Variants in INTS2 observed in about 807,000 individuals in gnomAD.
INTS2 encodes KIAA1287.
In INTS2, 57 loss-of-function variants were observed where a neutral mutation model predicts 139.6. The observed-to-expected ratio is 0.41, with a 90% CI of 0.33 to 0.51. The LOEUF (loss-of-function observed/expected upper bound fraction) is 0.51. INTS2 is among the 20% of genes least tolerant of loss of function. The pLI, the probability that INTS2 is intolerant of heterozygous loss-of-function variation, is 0.28. For missense variants in INTS2, 1,196 were observed against 1,436.7 expected, an observed-to-expected ratio of 0.83 and a Z score of 2.71; for synonymous variants, 473 against 493.4, an observed-to-expected ratio of 0.96 and a Z score of 0.55.
In INTS2 at chr17:61,913,842, G is replaced by C. The variant is rs562268724; in HGVS notation, c.650-1772C>G. On this transcript the variant is annotated intron_variant, in intron 5 of 24. Coordinates refer to ENST00000251334, the MANE Select transcript of INTS2 (RefSeq NM_001351695.2). ...AAAATGGTAAATGTGTGGATAAATA[G>C]TATTTTCCTCTATATTTTTAGTCTT... 2.0e-5 allele frequency among the ~76,000 whole-genome samples: 3 copies of C among 152,174 alleles called. No individual in the cohort carries two copies. In the East Asian group the frequency reaches 5.8e-4, roughly 29 times the overall value.
At chr17:61,915,341 A>AAAATAAATAAATAAATAAAT (rs58856021) in intron 5 of INTS2, among the ~76,000 whole-genome samples, 13 of 141,400 alleles carry the variant, frequency 9.2e-5, no homozygotes, top group African/African-American at 3.2e-4. Flanking sequence ...CCGTCTCAAA[A>AAAATAAATAAATAAATAAAT]AAATAAATAA....
chr17:61,924,353 C>G (rs2079685305), intron 3 of INTS2, among the ~76,000 whole-genome samples: 1 of 151,990 alleles, frequency 6.6e-6, no homozygotes, highest in African/African-American at 2.4e-5. Context: ...GAGATAAATC[C>G]CTTTCTAAAT....
intron 5 of INTS2, among the ~76,000 whole-genome samples, chr17:61,918,924 T>TA (rs2079610030): frequency 1.0e-5 from 1 of 96,634 alleles, no homozygotes. Context: ...TTCCTTGGGG[T>TA]TTTTTTTTTT....
intron 13 of INTS2, among the ~76,000 whole-genome samples, chr17:61,892,558 G>A (rs546966274): frequency 1.3e-3 from 202 of 152,274 alleles, no homozygotes; most frequent in Non-Finnish European, 1.9e-3. Context: ...TCGGGAGGCC[G>A]AAGTAGGAGA....
rs1478975219 is a variant in INTS2 at position 61,909,817 on chromosome 17, GTGTGTA to G, written c.954+1697_954+1702del. ...TACATATATACGTGTGTGTGTACAT[GTGTGTA>G]TGTGTGTGTGTGTGTGTGTGTGTGT... On this transcript the variant is annotated intron_variant, in intron 7 of 24. Coordinates refer to ENST00000251334, the MANE Select transcript of INTS2 (RefSeq NM_001351695.2). This position sits in a 1 kb window ranked among gnomAD's most constrained non-coding sequence, Gnocchi z 4.9. 3.8e-3 allele frequency among the ~76,000 whole-genome samples: 259 copies of G among 68,034 alleles called. 1 individual carries two copies. The highest frequency in any genetic ancestry group is 0.012 in the African/African-American group (200 of 16,760). 44.6% of individuals were successfully genotyped at this position (68,034 alleles called of 152,430 possible). A position where few individuals can be genotyped will look rare whatever the true frequency, so the allele number is the denominator to read the frequency against.
chr17:61,925,940 C>T (rs367574420), intron 2 of INTS2, among the ~76,000 whole-genome samples: 77 of 152,078 alleles, frequency 5.1e-4, no homozygotes, highest in African/African-American at 1.8e-3. Flanking sequence ...GCAGGAGGAT[C>T]GCTTGAACCT....
intron 5 of INTS2, among the ~76,000 whole-genome samples, chr17:61,915,545 G>A (rs1477519862): frequency 6.1e-5 from 9 of 148,560 alleles, no homozygotes; most frequent in African/African-American, 1.5e-4. Flanking sequence ...AAGTCCGGGC[G>A]CGGTGGCTCA....
At chr17:61,906,157 A>G (rs571191827) in intron 8 of INTS2, among the ~76,000 whole-genome samples, 2 of 152,300 alleles carry the variant, frequency 1.3e-5, no homozygotes, top group Admixed American at 1.3e-4. Context: ...TAAAATCTGA[A>G]ATGCCCCCAA....
chr17:61,914,229 T>C (rs1281381696), intron 5 of INTS2, among the ~76,000 whole-genome samples: 6 of 152,132 alleles, frequency 3.9e-5, no homozygotes, highest in African/African-American at 1.2e-4. Flanking sequence ...ATGGCTGTAT[T>C]ATTCAGACAA....
intron 5 of INTS2, 64 bp downstream of exon 5, chr17:61,919,336 A>T: frequency 1.3e-6 from 1 of 764,928 alleles, no homozygotes; most frequent in Middle Eastern, 2.4e-4. Context: ...CTTAGGTCAA[A>T]AAGATAGGTC....
chr17:61,877,866 G>T, intron 18 of INTS2, 21 bp downstream of exon 18: 2 of 1,564,380 alleles, frequency 1.3e-6, no homozygotes, highest in Non-Finnish European at 1.8e-6. Context: ...TCTATTACAT[G>T]TAACAATACA....
rs2079103358 is a variant in INTS2, at chr17:61,873,338, A to G, written c.2583-878T>C. ...CAGGAGTTCAAGACCAGCCTGGACA[A>G]CATAGCAAGACCCCCAACTCAAAAA... On this transcript the variant is annotated intron_variant, in intron 19 of 24. Coordinates refer to ENST00000251334, the MANE Select transcript of INTS2 (RefSeq NM_001351695.2). The surrounding 1 kb of genome is among the most constrained non-coding windows in gnomAD (Gnocchi z 4.0). Among the ~76,000 whole-genome samples the G allele has an allele frequency of 6.6e-6, 1 of 152,170 alleles. No individual in the cohort carries two copies. Among genetic ancestry groups the G allele is most frequent in the South Asian group, 2.1e-4 (1 of 4,826 alleles).
rs2079501240 is a variant in INTS2 at position 61,909,527 on chromosome 17, AT to A, written c.955-1894del. 6.6e-6 allele frequency among the ~76,000 whole-genome samples: 1 copy of A among 152,106 alleles called. No homozygotes were observed. The highest frequency in any genetic ancestry group is 1.5e-5 in the Non-Finnish European group (1 of 68,012). On this transcript the variant is annotated intron_variant, in intron 7 of 24. Coordinates refer to ENST00000251334, the MANE Select transcript of INTS2 (RefSeq NM_001351695.2). The surrounding 1 kb of genome is among the most constrained non-coding windows in gnomAD (Gnocchi z 4.9). ...ACCCTGATAGTATACCCTGTACCCA[AT>A]ATAGGTAACTTCTCAACCCTCACCC...
At position 61,919,390 on chromosome 17, in the gene INTS2, T is replaced by C. The variant is rs778365576; in HGVS notation, c.649+10A>G. ...GTCTTTTCAATATACCATATTAGAA[T>C]CATATTTACCTTCATTAAAACTATC... On this transcript the variant is annotated intron_variant, in intron 5 of 24. Coordinates refer to ENST00000251334, the MANE Select transcript of INTS2 (RefSeq NM_001351695.2). The C allele has an allele frequency of 3.6e-6, 5 of 1,383,030 alleles. No individual in the cohort carries two copies. The highest frequency in any genetic ancestry group is 5.1e-6 in the Non-Finnish European group (5 of 985,800). The allele number at this position is 1,383,030 out of a possible 1,614,324, so 85.7% of individuals were successfully genotyped here.
Position 61,921,752 on chromosome 17 carries a change from C to G in INTS2, c.508G>C (p.Ala170Pro), listed in dbSNP as rs2079643618. 6.2e-7 allele frequency: 1 copy of G among 1,603,162 alleles called. No individual in the cohort carries two copies. Among genetic ancestry groups the G allele is most frequent in the Non-Finnish European group, 8.5e-7 (1 of 1,173,610 alleles). Residue 170 changes from alanine (A) to proline (P), a missense_variant, in exon 4 of 25, where the codon GCA (alanine) becomes CCA (proline). Transcript: ENST00000251334. ...FESPVYLEEAADVLCILQAEL... is the reference protein window; with the variant it reads ...FESPVYLEEAPDVLCILQAEL... ...GCTTGTAAAATACAAAGTACATCTG[C>G]AGCTTCCTCCAAATATACTGGACTC...
In INTS2 at chr17:61,909,831, G is replaced by A. The variant is rs766107802; in HGVS notation, c.954+1689C>T. The stretch of plus-strand genomic sequence containing the variant: ...TGTGTGTACATGTGTGTATGTGTGT[G>A]TGTGTGTGTGTGTGTGTGTGTGTGT... On this transcript the variant is annotated intron_variant, in intron 7 of 24. Coordinates refer to ENST00000251334, the MANE Select transcript of INTS2 (RefSeq NM_001351695.2). This position sits in a 1 kb window ranked among gnomAD's most constrained non-coding sequence, Gnocchi z 4.9. 8.4e-5 allele frequency among the ~76,000 whole-genome samples: 7 copies of A among 83,278 alleles called. No individual in the cohort carries two copies. Among genetic ancestry groups the A allele is most frequent in the African/African-American group, 2.5e-4 (5 of 20,030 alleles). 54.6% of individuals were successfully genotyped at this position (83,278 alleles called of 152,430 possible).
Position 61,868,755 on chromosome 17 carries a change from C to G in INTS2, c.3244+279G>C, listed in dbSNP as rs1211707871. On this transcript the variant is annotated intron_variant, in intron 23 of 24. Transcript: ENST00000251334. The surrounding 1 kb of genome is among the most constrained non-coding windows in gnomAD (Gnocchi z 4.7). ...GTATTTGTTTTCCATTTATAAAATA[C>G]AGAAAGCTTATATTTACAAATCTAT... 1.3e-5 allele frequency among the ~76,000 whole-genome samples: 2 copies of G among 151,984 alleles called. No individual in the cohort carries two copies. Among genetic ancestry groups the G allele is most frequent in the African/African-American group, 4.8e-5 (2 of 41,400 alleles).
At position 61,869,049 on chromosome 17, in the gene INTS2, C is replaced by T. The variant is rs766305119; in HGVS notation, c.3229G>A (p.Gly1077Arg). The T allele has an allele frequency of 1.9e-6, 3 of 1,603,272 alleles. No homozygotes were observed. The highest frequency in any genetic ancestry group is 1.7e-5 in the Admixed American group (1 of 59,894). Reference sequence around the variant, plus strand: ...GGCTACATACCTGTTAACAAAGTTCCCATGACATTGACAGCTAAACGAGCC... The same window carrying T: ...GGCTACATACCTGTTAACAAAGTTCTCATGACATTGACAGCTAAACGAGCC... ...SVARLAVNVMGTLLTVLTQAK... is the reference protein window; with the variant it reads ...SVARLAVNVMRTLLTVLTQAK... Residue 1077 changes from glycine (G) to arginine (R), a missense_variant, in exon 23 of 25, where the codon GGA (glycine) becomes AGA (arginine). Gly to Arg is a moderately radical substitution (Grantham distance 125, BLOSUM62 -2). Around this residue, in one of 3 missense-constraint regions of INTS2, gnomAD observed 1,129 missense variants for 1,341.9 expected, o/e 0.84. Coordinates refer to ENST00000251334, the MANE Select transcript of INTS2 (RefSeq NM_001351695.2). The surrounding 1 kb of genome is among the most constrained non-coding windows in gnomAD (Gnocchi z 5.4).
chr17:61,923,344 G>C, intron 3 of INTS2, among the ~76,000 whole-genome samples: 1 of 151,382 alleles, frequency 6.6e-6, no homozygotes, highest in East Asian at 2.0e-4. Flanking sequence ...AGGCATGGTG[G>C]CGGGCACCTG....
Sources: allele counts gnomAD v4.1 joint callset (sites outside exome capture counted in the v4.1 genomes callset), GRCh38; gene constraint gnomAD v4.1.1; regional missense constraint gnomAD v4.1.1; non-coding constraint Gnocchi (gnomAD v3.1); transcripts MANE v1.5; gene names NCBI Gene and HGNC (gene_info 2026-07-23, HGNC 2026-07-21).